Variants in PDE1C observed in about 807,000 individuals in gnomAD.
PDE1C encodes the protein dual specificity calcium/calmodulin-dependent 3',5'-cyclic nucleotide phosphodiesterase 1C.
PDE1C carries 62 observed loss-of-function variants against 93.1 expected under a neutral mutation model. The observed-to-expected ratio is 0.67, with a 90% CI of 0.54 to 0.82. The LOEUF (loss-of-function observed/expected upper bound fraction) is 0.82, where lower values mean the gene tolerates loss of function less well. Ranked by LOEUF, PDE1C falls within the 40% of genes least tolerant of loss-of-function variation. The pLI, the probability that PDE1C is intolerant of heterozygous loss-of-function variation, is 0.00. For missense variants in PDE1C, 742 were observed against 884.6 expected, an observed-to-expected ratio of 0.84 and a Z score of 2.04; for synonymous variants, 325 against 310.1, an observed-to-expected ratio of 1.05 and a Z score of -0.50.
intron 1 of PDE1C, among the ~76,000 whole-genome samples, chr7:32,238,840 C>T (rs919709519): frequency 6.6e-6 from 1 of 152,204 alleles, no homozygotes; most frequent in African/African-American, 2.4e-5. Context: ...ACACCATTTA[C>T]ATCTTTCAAT....
At position 31,753,252 on chromosome 7, in the gene PDE1C, G is replaced by T; in HGVS notation, c.*132C>A. 9.2e-7 allele frequency: 1 copy of T among 1,082,290 alleles called. No individual in the cohort carries two copies. The highest frequency in any genetic ancestry group is 1.3e-6 in the Non-Finnish European group (1 of 769,852). 67.0% of individuals were successfully genotyped at this position (1,082,290 alleles called of 1,614,324 possible). On this transcript the variant is annotated 3_prime_UTR_variant, in exon 18 of 18. Coordinates refer to ENST00000396191, the MANE Select transcript of PDE1C (RefSeq NM_001191057.4). The stretch of plus-strand genomic sequence containing the variant: ...TCACATACAACTTTCATTTCACCTT[G>T]GTGGAGTCAACCAGGATAGTACCTG...
At chr7:32,210,672 C>T (rs895601660) in intron 1 of PDE1C, among the ~76,000 whole-genome samples, 1 of 151,026 alleles carries the variant, frequency 6.6e-6, no homozygotes, top group Non-Finnish European at 1.5e-5. Flanking sequence ...TTTGCCTCAC[C>T]ATCTACACTC....
intron 2 of PDE1C, among the ~76,000 whole-genome samples, chr7:32,011,579 C>T (rs1787122259): frequency 6.6e-6 from 1 of 152,124 alleles, no homozygotes; most frequent in African/African-American, 2.4e-5. Flanking sequence ...CATGGAAATA[C>T]CCTCAACATC....
chr7:31,669,153 G>A, the PDE1C span, among the ~76,000 whole-genome samples: 10 of 152,302 alleles, frequency 6.6e-5, no homozygotes, highest in African/African-American at 2.4e-4. Flanking sequence ...TGTTGGTATT[G>A]ACTCTGGGGG....
intron 1 of PDE1C, among the ~76,000 whole-genome samples, chr7:32,244,763 T>G (rs1451755120): frequency 2.0e-5 from 3 of 152,210 alleles, no homozygotes; most frequent in African/African-American, 7.2e-5. Context: ...TTAAAACATA[T>G]GTGACTTTTC....
At position 32,021,372 on chromosome 7, in the gene PDE1C, T is replaced by C. The variant is rs368691543; in HGVS notation, c.128+30182A>G. Among the ~76,000 whole-genome samples the C allele has an allele frequency of 9.9e-5, 15 of 152,202 alleles. 3 individuals are homozygous for C. The highest frequency in any genetic ancestry group is 6.5e-5 in the Admixed American group (1 of 15,280). Reference sequence around the variant, plus strand: ...CTACAAACCCCACTTCACTGACCCCTCTCTAAACAAATTACACTTAGTGGA... The same window carrying C: ...CTACAAACCCCACTTCACTGACCCCCCTCTAAACAAATTACACTTAGTGGA... On this transcript the variant is annotated intron_variant, in intron 2 of 17. Coordinates refer to ENST00000396191, the MANE Select transcript of PDE1C (RefSeq NM_001191057.4).
chr7:32,310,839 A>G (rs1266567794), intron 1 of PDE1C, among the ~76,000 whole-genome samples: 6 of 152,184 alleles, frequency 3.9e-5, no homozygotes, highest in Admixed American at 6.5e-5. Flanking sequence ...CACAATTAAA[A>G]GAACTAGAAA....
intron 1 of PDE1C, among the ~76,000 whole-genome samples, chr7:32,225,142 A>G (rs1022714972): frequency 6.6e-6 from 1 of 152,178 alleles, no homozygotes; most frequent in African/African-American, 2.4e-5. Flanking sequence ...CTCATCACAT[A>G]CTGGCAACCT....
intron 2 of PDE1C, among the ~76,000 whole-genome samples, chr7:32,208,963 A>G (rs1168924662): frequency 6.6e-6 from 1 of 152,248 alleles, no homozygotes; most frequent in Non-Finnish European, 1.5e-5. Context: ...AGGAAAAGCC[A>G]GTGGAGTTAG....
At chr7:31,989,545 T>G (rs17160746) in intron 2 of PDE1C, among the ~76,000 whole-genome samples, 1,623 of 152,270 alleles carry the variant, frequency 0.011, 26 homozygotes, top group African/African-American at 0.037. Flanking sequence ...TGCACAACAA[T>G]GAGGTTTTTG....
intron 1 of PDE1C, among the ~76,000 whole-genome samples, chr7:32,363,348 G>C (rs1042470752): frequency 1.8e-4 from 27 of 152,286 alleles, no homozygotes; most frequent in African/African-American, 6.5e-4. Flanking sequence ...ATGTGCCCAA[G>C]GCCACACAGC....
intron 2 of PDE1C, among the ~76,000 whole-genome samples, chr7:32,196,450 T>TA (rs1182929345): frequency 1.3e-5 from 2 of 152,094 alleles, no homozygotes; most frequent in Admixed American, 6.5e-5. Context: ...TGGTATATGA[T>TA]AAAAAAAGAA....
At chr7:31,939,230 AAGGAGG>A (rs111840541) in intron 2 of PDE1C, among the ~76,000 whole-genome samples, 3 of 151,598 alleles carry the variant, frequency 2.0e-5, no homozygotes, top group East Asian at 1.9e-4. Context: ...GAAGAAGAAG[AAGGAGG>A]AGGAGGAGGA....
chr7:31,703,412 TC>T, the PDE1C span, among the ~76,000 whole-genome samples: 1 of 152,140 alleles, frequency 6.6e-6, no homozygotes. Flanking sequence ...AAAATGTTTA[TC>T]AAACAACACA....
the PDE1C span, among the ~76,000 whole-genome samples, chr7:31,664,082 ACCAGGTATGATC>A: frequency 6.6e-6 from 1 of 152,162 alleles, no homozygotes; most frequent in Non-Finnish European, 1.5e-5. Context: ...CAACTAGAAA[ACCAGGTATGATC>A]CCAGGTTTGT....
Position 31,839,193 on chromosome 7 carries a change from C to T in PDE1C, c.981-1222G>A, listed in dbSNP as rs540614641. 2.1e-3 allele frequency among the ~76,000 whole-genome samples: 308 copies of T among 147,918 alleles called. 1 individual carries two copies. Among genetic ancestry groups the T allele is most frequent in the African/African-American group, 7.1e-3 (286 of 40,438 alleles). On this transcript the variant is annotated intron_variant, in intron 9 of 17. Transcript: ENST00000396191. ...ACACACATACATATACGTATGTATA[C>T]ATACATACATACGTATATGTGTGTA...
intron 6 of PDE1C, among the ~76,000 whole-genome samples, chr7:31,871,123 C>T (rs1377145586): frequency 6.6e-6 from 1 of 151,758 alleles, no homozygotes; most frequent in Non-Finnish European, 1.5e-5. Context: ...CAAAAACTTA[C>T]AGAAAGGACC....
chr7:31,640,611 G>A, the PDE1C span, among the ~76,000 whole-genome samples: 1 of 151,608 alleles, frequency 6.6e-6, no homozygotes, highest in African/African-American at 2.4e-5. Context: ...ACTGCTGTCT[G>A]TAACTGTCTG....
intron 2 of PDE1C, among the ~76,000 whole-genome samples, chr7:32,037,030 T>C (rs1291982527): frequency 6.6e-6 from 1 of 152,184 alleles, no homozygotes; most frequent in Non-Finnish European, 1.5e-5. Context: ...GTTTCACTGA[T>C]GCATTCTATC....
Sources: allele counts gnomAD v4.1 joint callset (sites outside exome capture counted in the v4.1 genomes callset), GRCh38; gene constraint gnomAD v4.1.1; transcripts MANE v1.5; gene names NCBI Gene and HGNC (gene_info 2026-07-23, HGNC 2026-07-21).